The following MELK variants were observed in gnomAD, a reference collection of about 807,000 sequenced individuals.
The protein encoded by MELK is pEg3 kinase.
In MELK, 81 loss-of-function variants were observed where a neutral mutation model predicts 85.0. That is an observed-to-expected ratio of 0.95 (90% CI 0.80 to 1.15). The LOEUF (loss-of-function observed/expected upper bound fraction) is 1.15. Ranked by LOEUF, MELK falls within the 50% of genes most tolerant of loss-of-function variation. The pLI is 0.00. For missense variants in MELK, 754 were observed against 777.5 expected, an observed-to-expected ratio of 0.97 and a Z score of 0.36; for synonymous variants, 252 against 265.0, an observed-to-expected ratio of 0.95 and a Z score of 0.48.
intron 17 of MELK, among the ~76,000 whole-genome samples, chr9:36,675,405 G>GT (rs907990603): frequency 2.6e-4 from 39 of 152,260 alleles, no homozygotes; most frequent in African/African-American, 9.4e-4. Context: ...ATTCTCTTTT[G>GT]TTTGGTTCAA....
intron 8 of MELK, among the ~76,000 whole-genome samples, chr9:36,610,953 A>C (rs1006536449): frequency 6.6e-6 from 1 of 152,198 alleles, no homozygotes; most frequent in African/African-American, 2.4e-5. Flanking sequence ...CTGAAAATCC[A>C]AAATTTGAAA....
rs558079611 is a variant in MELK at position 36,655,029 on chromosome 9, G to A, written c.1054-2212G>A. Among the ~76,000 whole-genome samples the A allele has an allele frequency of 6.0e-4, 91 of 152,194 alleles. 1 individual carries two copies. The highest frequency in any genetic ancestry group is 2.0e-3 in the African/African-American group (85 of 41,538). On this transcript the variant is annotated intron_variant, in intron 12 of 17. Transcript: ENST00000298048. Reference sequence around the variant, plus strand: ...TCATGATCGATCAATCAATCAATAGGTGGCCCTTTCAGTGAAACAGCAGTA... The same window carrying A: ...TCATGATCGATCAATCAATCAATAGATGGCCCTTTCAGTGAAACAGCAGTA...
chr9:36,630,477 T>C, intron 9 of MELK, 110 bp downstream of exon 9: 1 of 840,428 alleles, frequency 1.2e-6, no homozygotes, highest in South Asian at 1.5e-5. Flanking sequence ...ATCCCACTCA[T>C]ATCTACCTTG....
chr9:36,634,217 C>T (rs1485401309), intron 10 of MELK, among the ~76,000 whole-genome samples: 2 of 152,186 alleles, frequency 1.3e-5, no homozygotes, highest in South Asian at 4.1e-4. Context: ...CACTCAAGAT[C>T]ATGGTGGCAA....
intron 16 of MELK, among the ~76,000 whole-genome samples, 165 bp from the exon 17 acceptor site, chr9:36,674,669 C>A (rs1200509845): frequency 6.6e-6 from 1 of 152,176 alleles, no homozygotes; most frequent in Non-Finnish European, 1.5e-5. Flanking sequence ...CCCAGTGGGC[C>A]ATTAACTCAC....
chr9:36,628,540 C>T (rs1828165771), intron 8 of MELK, among the ~76,000 whole-genome samples: 1 of 152,134 alleles, frequency 6.6e-6, no homozygotes, highest in Non-Finnish European at 1.5e-5. Flanking sequence ...CTGCCTCAGC[C>T]TCCCGAGTAG....
At chr9:36,622,538 A>C (rs1370657101) in intron 8 of MELK, among the ~76,000 whole-genome samples, 1 of 152,214 alleles carries the variant, frequency 6.6e-6, no homozygotes, top group Non-Finnish European at 1.5e-5. Flanking sequence ...CTTGAGTATT[A>C]ATCTTATTAA....
Position 36,594,641 on chromosome 9 carries a change from G to T in MELK, c.275G>T (p.Gly92Val). 1 of 1,614,010 alleles carries T rather than the reference G, an allele frequency of 6.2e-7. No individual in the cohort carries two copies. The highest frequency in any genetic ancestry group is 1.7e-5 in the Admixed American group (1 of 59,984). ...IFMVLEYCPG[G>V]ELFDYIISQD... is the part of the protein sequence containing the mutation. ...TTGCTGTTGAAGTACTGCCCTGGAGGAGAGCTGTTTGACTATATAATTTCC... is the reference window on the plus strand; with the variant it reads ...TTGCTGTTGAAGTACTGCCCTGGAGTAGAGCTGTTTGACTATATAATTTCC... The change falls in exon 5 of 18, where the codon GGA becomes GTA. Residue 92 changes from glycine to valine, a missense_variant. Transcript: ENST00000298048.
At chr9:36,663,678 C>G (rs140446315) in intron 13 of MELK, among the ~76,000 whole-genome samples, 21 of 152,320 alleles carry the variant, frequency 1.4e-4, no homozygotes, top group African/African-American at 4.8e-4. Flanking sequence ...ACCTCCACTT[C>G]CATCCACCTT....
At chr9:36,618,606 G>T (rs1416910631) in intron 8 of MELK, among the ~76,000 whole-genome samples, 1 of 152,064 alleles carries the variant, frequency 6.6e-6, no homozygotes, top group African/African-American at 2.4e-5. Context: ...TATCCTAAAA[G>T]TAGAAGTGTC....
chr9:36,629,109 C>T (rs1436797686), intron 8 of MELK, among the ~76,000 whole-genome samples: 1 of 152,130 alleles, frequency 6.6e-6, no homozygotes, highest in East Asian at 1.9e-4. Context: ...TCGTGATCCA[C>T]CTGCCTTGGC....
chr9:36,597,376 C>T (rs1450070456), intron 6 of MELK, 86 bp downstream of exon 6: 2 of 1,219,306 alleles, frequency 1.6e-6, no homozygotes, highest in Non-Finnish European at 2.4e-6. Context: ...TCCACTTATT[C>T]TTTATTGAGC....
At chr9:36,637,916 T>C (rs1829368374) in intron 10 of MELK, among the ~76,000 whole-genome samples, 1 of 152,158 alleles carries the variant, frequency 6.6e-6, no homozygotes, top group African/African-American at 2.4e-5. Context: ...TGAGCAAATA[T>C]AACATAATTC....
chr9:36,636,790 G>GTCTGTCTGTCTGTCTGTCTGTCTT (rs1475022442), intron 10 of MELK, among the ~76,000 whole-genome samples: 24 of 67,616 alleles, frequency 3.5e-4, no homozygotes, highest in Admixed American at 9.2e-4. Context: ...CTTTCTGTCT[G>GTCTGTCTGTCTGTCTGTCTGTCTT]TCTTTCTTTC....
intron 10 of MELK, among the ~76,000 whole-genome samples, chr9:36,636,490 G>A (rs941571152): frequency 4.6e-5 from 7 of 151,942 alleles, no homozygotes; most frequent in Admixed American, 6.6e-5. Context: ...CAACATGAGC[G>A]AAACTCCGCC....
chr9:36,588,694 A>G (rs1823212665), intron 3 of MELK, among the ~76,000 whole-genome samples: 1 of 152,006 alleles, frequency 6.6e-6, no homozygotes, highest in Non-Finnish European at 1.5e-5. Context: ...GTCCCTTTTT[A>G]TAATGAAGTT....
intron 8 of MELK, among the ~76,000 whole-genome samples, chr9:36,617,846 C>A (rs1214938601): frequency 6.6e-6 from 1 of 152,136 alleles, no homozygotes; most frequent in Non-Finnish European, 1.5e-5. Context: ...TAATTGTAGA[C>A]CAGGTGTGGT....
At chr9:36,652,042 ATTTTTTTTTT>A (rs11465173) in intron 12 of MELK, among the ~76,000 whole-genome samples, 165 bp downstream of exon 12, 1 of 91,392 alleles carries the variant, frequency 1.1e-5, no homozygotes, top group Non-Finnish European at 2.0e-5. Context: ...TTGAACTCTA[ATTTTTTTTTT>A]TTTTTTTTTT....
Position 36,587,644 on chromosome 9 carries a change from C to T in MELK, c.145-1892C>T, listed in dbSNP as rs1056297927. Among the ~76,000 whole-genome samples, 5 of 144,320 alleles carry T rather than the reference C, an allele frequency of 3.5e-5. No homozygotes were observed. In the East Asian group the frequency reaches 6.6e-4, roughly 19 times the overall value. The allele number at this position is 144,320 out of a possible 152,430, so 94.7% of individuals were successfully genotyped here. A position where few individuals can be genotyped will look rare whatever the true frequency, so the allele number is the denominator to read the frequency against. On this transcript the variant is annotated intron_variant, in intron 3 of 17. Transcript: ENST00000298048. ...CCTTTTTTTTTCTGATACGGAGTTTCGCTCTTGTTGCCCAGGCTGGAGTGC... is the reference window on the plus strand; with the variant it reads ...CCTTTTTTTTTCTGATACGGAGTTTTGCTCTTGTTGCCCAGGCTGGAGTGC...
Sources: gnomAD v4.1 joint callset for allele counts (sites outside exome capture counted in the v4.1 genomes callset) on GRCh38, gnomAD v4.1.1 for gene constraint, MANE v1.5 for transcripts, NCBI Gene and HGNC (gene_info 2026-07-23, HGNC 2026-07-21) for gene names.